AGBL4: variants seen among roughly 807,000 people sequenced by gnomAD.
The protein encoded by AGBL4 is AGBL carboxypeptidase 4, also known as cytosolic carboxypeptidase 6.
In AGBL4, 58 loss-of-function variants were observed where a neutral mutation model predicts 66.4. That is an observed-to-expected ratio of 0.87 (90% CI 0.71 to 1.09). The LOEUF (loss-of-function observed/expected upper bound fraction) is 1.09, where lower values mean the gene tolerates loss of function less well. AGBL4 is among the 50% of genes least tolerant of loss of function. The probability of loss-of-function intolerance (pLI) is 0.00; values close to 1 mark genes in which losing one functional copy is unlikely to be tolerated. For missense variants in AGBL4, 579 were observed against 631.0 expected, an observed-to-expected ratio of 0.92 and a Z score of 0.88; for synonymous variants, 234 against 222.9, an observed-to-expected ratio of 1.05 and a Z score of -0.44.
At chr1:48,723,635 T>C (rs1427973083) in intron 6 of AGBL4, among the ~76,000 whole-genome samples, 1 of 152,178 alleles carries the variant, frequency 6.6e-6, no homozygotes, top group Non-Finnish European at 1.5e-5. Flanking sequence ...GTTTTAAAGT[T>C]TTCCTTTTCT....
intron 3 of AGBL4, among the ~76,000 whole-genome samples, chr1:49,531,240 G>A (rs1651118966): frequency 6.6e-6 from 1 of 152,060 alleles, no homozygotes; most frequent in South Asian, 2.1e-4. Context: ...AGTGCACTGG[G>A]CTGTCTTTAA....
chr1:49,799,801 C>G (rs919578905), intron 2 of AGBL4, among the ~76,000 whole-genome samples: 4 of 152,136 alleles, frequency 2.6e-5, no homozygotes, highest in Non-Finnish European at 5.9e-5. Context: ...TATACATTAT[C>G]TCCTTGAGTT....
At chr1:49,734,826 A>G (rs1269240251) in intron 2 of AGBL4, among the ~76,000 whole-genome samples, 3 of 55,784 alleles carry the variant, frequency 5.4e-5, no homozygotes, top group Non-Finnish European at 2.3e-4. Flanking sequence ...TTTTAAAAAT[A>G]ATAATAATCA....
intron 3 of AGBL4, among the ~76,000 whole-genome samples, chr1:49,690,917 T>C (rs1013471474): frequency 1.3e-5 from 2 of 152,070 alleles, no homozygotes; most frequent in African/African-American, 2.4e-5. Flanking sequence ...AAATAGACAG[T>C]TCAATAACTT....
chr1:50,015,558 G>A (rs1661914279), intron 1 of AGBL4, among the ~76,000 whole-genome samples: 1 of 152,152 alleles, frequency 6.6e-6, no homozygotes, highest in African/African-American at 2.4e-5. Context: ...TTGGGAGGCT[G>A]AGATGAGACC....
intron 3 of AGBL4, among the ~76,000 whole-genome samples, chr1:49,253,536 C>A (rs1652236479): frequency 6.6e-6 from 1 of 152,002 alleles, no homozygotes; most frequent in Non-Finnish European, 1.5e-5. Context: ...TAATACATAG[C>A]CTACCAACCA....
intron 3 of AGBL4, among the ~76,000 whole-genome samples, chr1:49,409,472 T>C (rs963630046): frequency 6.6e-6 from 1 of 151,992 alleles, no homozygotes; most frequent in Admixed American, 6.6e-5. Context: ...GATGGAAGTA[T>C]ATAATTTGTA....
chr1:49,279,559 G>T (rs1352980237), intron 3 of AGBL4, among the ~76,000 whole-genome samples: 1 of 151,792 alleles, frequency 6.6e-6, no homozygotes, highest in African/African-American at 2.4e-5. Context: ...GGAAAAAGAA[G>T]ACCCGTCTTT....
chr1:48,926,446 A>AT (rs562349327), intron 5 of AGBL4, among the ~76,000 whole-genome samples: 16,854 of 142,646 alleles, frequency 0.12, 1,036 homozygotes, highest in African/African-American at 0.15. Flanking sequence ...GGCCTAGCTA[A>AT]TTTTTTTTTT....
At chr1:49,618,064 C>G (rs918881773) in intron 3 of AGBL4, among the ~76,000 whole-genome samples, 1 of 152,142 alleles carries the variant, frequency 6.6e-6, no homozygotes, top group Non-Finnish European at 1.5e-5. Context: ...TCCATGTGTT[C>G]TCGTTGTTCA....
At chr1:49,661,311 C>CA (rs1373995991) in intron 3 of AGBL4, among the ~76,000 whole-genome samples, 2 of 152,038 alleles carry the variant, frequency 1.3e-5, no homozygotes, top group Non-Finnish European at 2.9e-5. Context: ...TTGTTCCCTC[C>CA]AAGTCTCATG....
chr1:48,631,569 T>G lies in AGBL4; in HGVS notation c.951+2924A>C, dbSNP rs373274148. ...CCACACCTGGCTAATTTTTTTTGTA[T>G]TTTTAGTAGAGACCGGGTTTTGCCA... On this transcript the variant is annotated intron_variant, in intron 9 of 13. Coordinates refer to ENST00000371839, the MANE Select transcript of AGBL4 (RefSeq NM_032785.4). Among the ~76,000 whole-genome samples the G allele has an allele frequency of 1.5e-3, 223 of 152,228 alleles. 3 individuals are homozygous for G. In the South Asian group the frequency reaches 0.04, roughly 28 times the overall value.
chr1:49,555,932 G>T (rs1653406220), intron 3 of AGBL4, among the ~76,000 whole-genome samples: 1 of 152,130 alleles, frequency 6.6e-6, no homozygotes, highest in Non-Finnish European at 1.5e-5. Flanking sequence ...CTGTTGGTGG[G>T]ACTGTAAACT....
chr1:49,449,187 A>C (rs1447036683), intron 3 of AGBL4, among the ~76,000 whole-genome samples: 4 of 152,022 alleles, frequency 2.6e-5, no homozygotes, highest in Non-Finnish European at 5.9e-5. Context: ...AAAATGACTA[A>C]ATTTATACAT....
intron 6 of AGBL4, among the ~76,000 whole-genome samples, chr1:48,687,728 G>A (rs1195327360): frequency 6.6e-6 from 1 of 152,222 alleles, no homozygotes; most frequent in Admixed American, 6.5e-5. Flanking sequence ...TGCTGCCTCA[G>A]TGCTCACAGA....
At chr1:49,158,151 T>C (rs1188814161) in intron 4 of AGBL4, among the ~76,000 whole-genome samples, 2 of 152,130 alleles carry the variant, frequency 1.3e-5, no homozygotes, top group African/African-American at 2.4e-5. Context: ...ACTGAACCCC[T>C]TCCTTACACC....
chr1:48,836,332 C>G (rs1646671193), intron 6 of AGBL4, among the ~76,000 whole-genome samples: 1 of 150,360 alleles, frequency 6.7e-6, no homozygotes, highest in Non-Finnish European at 1.5e-5. Flanking sequence ...AATCTGCAAA[C>G]CATAGGATTA....
At chr1:48,840,778 CTT>C (rs899376317) in intron 6 of AGBL4, among the ~76,000 whole-genome samples, 1 of 152,176 alleles carries the variant, frequency 6.6e-6, no homozygotes, top group African/African-American at 2.4e-5. Flanking sequence ...AATGAAAAAA[CTT>C]ATGTTCACAC....
chr1:49,887,458 G>A (rs12137651), intron 1 of AGBL4, among the ~76,000 whole-genome samples: 28,307 of 151,616 alleles, frequency 0.19, 3,266 homozygotes, highest in East Asian at 0.42. Flanking sequence ...TGAAAGGCCC[G>A]GAGATTCAAA....
Sources: gnomAD v4.1 joint callset for allele counts (sites outside exome capture counted in the v4.1 genomes callset) on GRCh38, gnomAD v4.1.1 for gene constraint, MANE v1.5 for transcripts, NCBI Gene and HGNC (gene_info 2026-07-23, HGNC 2026-07-21) for gene names.